The following ECT2L variants were observed in gnomAD, a reference collection of about 807,000 sequenced individuals.
ECT2L encodes the protein epithelial cell-transforming sequence 2 oncogene-like.
ECT2L carries 126 observed loss-of-function variants against 122.8 expected under a neutral mutation model. That is an observed-to-expected ratio of 1.03 (90% CI 0.89 to 1.19). The LOEUF (loss-of-function observed/expected upper bound fraction) is 1.19, where lower values mean the gene tolerates loss of function less well. ECT2L is among the 50% of genes most tolerant of loss of function. The probability of loss-of-function intolerance (pLI) is 0.00; values close to 1 mark genes in which losing one functional copy is unlikely to be tolerated. For synonymous variants in ECT2L, 385 were observed against 381.8 expected, an observed-to-expected ratio of 1.01 and a Z score of -0.10; for missense variants, 1,012 against 1,064.1, an observed-to-expected ratio of 0.95 and a Z score of 0.68.
At chr6:138,827,775 T>TG (rs1411289827) in intron 4 of ECT2L, among the ~76,000 whole-genome samples, 1 of 152,042 alleles carries the variant, frequency 6.6e-6, no homozygotes, top group East Asian at 1.9e-4. Flanking sequence ...GCCAGACTGG[T>TG]TTCAAACTCC....
At chr6:138,804,529 G>A (rs1775649966) in intron 1 of ECT2L, among the ~76,000 whole-genome samples, 1 of 151,586 alleles carries the variant, frequency 6.6e-6, no homozygotes, top group South Asian at 2.1e-4. Flanking sequence ...AAGACTACTG[G>A]TTTTGGCACT....
intron 4 of ECT2L, among the ~76,000 whole-genome samples, chr6:138,833,023 C>T (rs905056916): frequency 2.0e-5 from 3 of 150,432 alleles, no homozygotes; most frequent in Non-Finnish European, 3.0e-5. Flanking sequence ...TGGCGGCAGG[C>T]GAGAGAGAGA....
At chr6:138,816,724 A>G (rs568920934) in intron 4 of ECT2L, among the ~76,000 whole-genome samples, 3 of 152,288 alleles carry the variant, frequency 2.0e-5, no homozygotes, top group Non-Finnish European at 4.4e-5. Context: ...TGATCTCATG[A>G]TCTGCCTGCC....
At position 138,876,501 on chromosome 6, in the gene ECT2L, G is replaced by A. The variant is rs201721415; in HGVS notation, c.1608G>A (p.Trp536Ter). Residue 536 changes from tryptophan (W) to a stop codon, truncating the protein, a stop_gained, in exon 14 of 22, where the codon TGG becomes TGA. Coordinates refer to ENST00000541398, the MANE Select transcript of ECT2L (RefSeq NM_001077706.3). LOFTEE classifies it high-confidence loss of function. ...SERNVVEDNS[W>*]DTKSRLSKND... is the part of the protein sequence containing the mutation. ...GAAATGTTGTAGAAGACAATTCTTGGGACACAAAGTCCAGGCTCAGCAAAA... is the reference window on the plus strand; with the variant it reads ...GAAATGTTGTAGAAGACAATTCTTGAGACACAAAGTCCAGGCTCAGCAAAA... The A allele has an allele frequency of 4.3e-6, 7 of 1,612,798 alleles. No homozygotes were observed. In the Admixed American group the frequency reaches 1.0e-4, roughly 23 times the overall value.
At chr6:138,898,824 T>C (rs1172228817) in intron 20 of ECT2L, among the ~76,000 whole-genome samples, 1 of 152,168 alleles carries the variant, frequency 6.6e-6, no homozygotes, top group East Asian at 1.9e-4. Flanking sequence ...AGACCCCCAG[T>C]AGATGGCTGA....
intron 20 of ECT2L, among the ~76,000 whole-genome samples, chr6:138,892,694 CA>C (rs1262938522): frequency 6.6e-6 from 1 of 152,182 alleles, no homozygotes; most frequent in African/African-American, 2.4e-5. Context: ...GGATTCACCA[CA>C]TTGGCTAGGC....
intron 4 of ECT2L, among the ~76,000 whole-genome samples, chr6:138,816,606 T>A (rs1023999538): frequency 9.2e-5 from 14 of 152,132 alleles, no homozygotes; most frequent in African/African-American, 2.7e-4. Context: ...TGCCTCAGCC[T>A]CCTGAGTAGC....
intron 10 of ECT2L, among the ~76,000 whole-genome samples, chr6:138,860,405 TC>T (rs1777783513): frequency 2.0e-5 from 3 of 152,164 alleles, no homozygotes; most frequent in Non-Finnish European, 4.4e-5. Flanking sequence ...CTATCCTTTT[TC>T]CAGTGAATTT....
At chr6:138,894,185 T>C (rs1010066808) in intron 20 of ECT2L, among the ~76,000 whole-genome samples, 1 of 152,114 alleles carries the variant, frequency 6.6e-6, no homozygotes, top group African/African-American at 2.4e-5. Context: ...GCCTCCCAAG[T>C]AGCTGGGATT....
rs1412181827 is a variant in ECT2L at position 138,865,179 on chromosome 6, G to C, written c.1474+1G>C. The C allele has an allele frequency of 1.2e-6, 2 of 1,603,254 alleles. No homozygotes were observed. Among genetic ancestry groups the C allele is most frequent in the East Asian group, 2.2e-5 (1 of 44,714 alleles). ...AAGAGCATCAGTGGCAGGATGATAG[G>C]TAAGCAGTCTTGCTACTTCTGTTGC... On this transcript the variant is annotated splice_donor_variant, in intron 12 of 21. Coordinates refer to ENST00000541398, the MANE Select transcript of ECT2L (RefSeq NM_001077706.3). LOFTEE classifies it high-confidence loss of function.
In ECT2L at chr6:138,880,973, AG is replaced by A; in HGVS notation, c.1684del (p.Asp562ThrfsTer27). ...ALINLERILQ[K>X]DSAEKRARVV... Reference sequence around the variant, plus strand: ...TCTCTACAGGAGAGAATACTCCAGAAGGACTCAGCAGAAAAGCGAGCTAGAG... The same window carrying A: ...TCTCTACAGGAGAGAATACTCCAGAAGACTCAGCAGAAAAGCGAGCTAGAG... On this transcript the variant is annotated frameshift_variant, in exon 15 of 22. Transcript: ENST00000541398. LOFTEE classifies it high-confidence loss of function. 6.2e-7 allele frequency: 1 copy of A among 1,613,988 alleles called. No individual in the cohort carries two copies. Among genetic ancestry groups the A allele is most frequent in the Non-Finnish European group, 8.5e-7 (1 of 1,179,870 alleles).
chr6:138,814,156 G>C (rs1775993433), intron 3 of ECT2L, among the ~76,000 whole-genome samples: 1 of 152,130 alleles, frequency 6.6e-6, no homozygotes, highest in Non-Finnish European at 1.5e-5. Flanking sequence ...TGTGGACTCT[G>C]TTTCCCTAGG....
intron 4 of ECT2L, among the ~76,000 whole-genome samples, chr6:138,834,023 C>T (rs1373739061): frequency 6.6e-6 from 1 of 152,148 alleles, no homozygotes; most frequent in East Asian, 1.9e-4. Flanking sequence ...ATTTTCATCA[C>T]AATTTTGGCA....
intron 5 of ECT2L, 107 bp downstream of exon 5, chr6:138,838,621 G>T: frequency 8.9e-7 from 1 of 1,127,442 alleles, no homozygotes; most frequent in Non-Finnish European, 1.2e-6. Context: ...GAGGGTACCT[G>T]ATCCATCATT....
chr6:138,898,957 TATA>T (rs1779305468), intron 20 of ECT2L, among the ~76,000 whole-genome samples: 2 of 152,148 alleles, frequency 1.3e-5, no homozygotes, highest in South Asian at 4.1e-4. Context: ...ATAGAACAAT[TATA>T]ATGACATAAA....
intron 9 of ECT2L, among the ~76,000 whole-genome samples, chr6:138,851,718 T>C (rs1440259628): frequency 1.3e-5 from 2 of 152,166 alleles, no homozygotes; most frequent in Non-Finnish European, 2.9e-5. Context: ...CTAAATACTA[T>C]TCCCTTATCA....
Position 138,820,296 on chromosome 6 carries a change from TG to T in ECT2L, c.179+5694del, listed in dbSNP as rs1223324384. On this transcript the variant is annotated intron_variant, in intron 4 of 21. Coordinates refer to ENST00000541398, the MANE Select transcript of ECT2L (RefSeq NM_001077706.3). Reference sequence around the variant, plus strand: ...TAAGGGTGGAGAGTCTTCTTCTTGCTGAAAGAAACTTAAACAAGATTTGAGG... The same window carrying T: ...TAAGGGTGGAGAGTCTTCTTCTTGCTAAAGAAACTTAAACAAGATTTGAGG... Among the ~76,000 whole-genome samples, 17 of 152,336 alleles carry T rather than the reference TG, an allele frequency of 1.1e-4. No homozygotes were observed. The East Asian group carries it at 3.1e-3, about 28-fold the overall frequency.
chr6:138,868,528 T>C (rs1467285691), intron 13 of ECT2L, among the ~76,000 whole-genome samples: 3 of 151,898 alleles, frequency 2.0e-5, no homozygotes, highest in Admixed American at 6.6e-5. Flanking sequence ...ATATTTCACA[T>C]AAACTTTACT....
chr6:138,828,574 A>G (rs1400746846), intron 4 of ECT2L, among the ~76,000 whole-genome samples: 4 of 152,146 alleles, frequency 2.6e-5, no homozygotes, highest in African/African-American at 9.7e-5. Context: ...TGCCATTGAC[A>G]ATCTTCCCGT....
Sources: gnomAD v4.1 joint callset for allele counts (sites outside exome capture counted in the v4.1 genomes callset) on GRCh38, gnomAD v4.1.1 for gene constraint, MANE v1.5 for transcripts, NCBI Gene and HGNC (gene_info 2026-07-23, HGNC 2026-07-21) for gene names.